Variants in ADD2 observed in about 807,000 individuals in gnomAD.
ADD2 encodes adducin 2.
In ADD2, 23 loss-of-function variants were observed where a neutral mutation model predicts 83.0. That is an observed-to-expected ratio of 0.28 (90% CI 0.20 to 0.39). The LOEUF (loss-of-function observed/expected upper bound fraction) is 0.39. Among genes scored for constraint, ADD2 ranks in the 10% least tolerant of loss-of-function variants. The probability of loss-of-function intolerance (pLI) is 1.00; values close to 1 mark genes in which losing one functional copy is unlikely to be tolerated. For synonymous variants in ADD2, 375 were observed against 375.4 expected, an observed-to-expected ratio of 1.00 and a Z score of 0.01; for missense variants, 758 against 944.9, an observed-to-expected ratio of 0.80 and a Z score of 2.59.
At chr2:70,729,703 G>C (rs1225578279) in intron 1 of ADD2, among the ~76,000 whole-genome samples, 2 of 152,140 alleles carry the variant, frequency 1.3e-5, no homozygotes, top group Admixed American at 6.5e-5. Context: ...GAAATGTGTG[G>C]CTTCTAAGGA....
chr2:70,706,471 C>T lies in ADD2; in HGVS notation c.-34-29G>A. 6.5e-7 allele frequency: 1 copy of T among 1,534,468 alleles called. No individual in the cohort carries two copies. Among genetic ancestry groups the T allele is most frequent in the Non-Finnish European group, 8.8e-7 (1 of 1,142,204 alleles). On this transcript the variant is annotated intron_variant, in intron 2 of 15. Transcript: ENST00000264436. This position sits in a 1 kb window ranked among gnomAD's most constrained non-coding sequence, Gnocchi z 5.0. ...CAGAGAAGGGGAGAGGGTATGCGGT[C>T]AGGTTGGTGCTCCCCATCGGGGTAC...
chr2:70,697,828 A>G (rs1348959816), intron 4 of ADD2, among the ~76,000 whole-genome samples: 1 of 152,206 alleles, frequency 6.6e-6, no homozygotes, highest in Non-Finnish European at 1.5e-5. Flanking sequence ...TGCTGGGCCA[A>G]CATCCAGCGA....
At chr2:70,763,188 T>C (rs1675206508) in intron 1 of ADD2, among the ~76,000 whole-genome samples, 1 of 152,006 alleles carries the variant, frequency 6.6e-6, no homozygotes, top group South Asian at 2.1e-4. Flanking sequence ...TGGCAAAGCT[T>C]TCCTATGTAG....
chr2:70,688,092 C>T lies in ADD2; in HGVS notation c.880G>A (p.Ala294Thr). The change falls in exon 9 of 16, where the codon GCT (alanine) becomes ACT (threonine). Residue 294 changes from alanine (A) to threonine (T), a missense_variant. Ala to Thr is a moderately conservative substitution (Grantham distance 58). This residue lies in a region of ADD2 where 394 missense variants were observed against 509.3 expected (regional missense o/e 0.77). Coordinates refer to ENST00000264436, the MANE Select transcript of ADD2 (RefSeq NM_001617.4). ...GCCTCCTCTACCGTGTCACCCAGAG[C>T]AACCACTCCATGGTTTCTTAGCACC... ...ILVLRNHGVV[A>T]LGDTVEEAFY... 6 of 1,614,156 alleles carry T rather than the reference C, an allele frequency of 3.7e-6. No individual in the cohort carries two copies. Among genetic ancestry groups the T allele is most frequent in the Non-Finnish European group, 5.1e-6 (6 of 1,179,990 alleles).
At chr2:70,667,013 GC>G (rs1675828902) in intron 15 of ADD2, among the ~76,000 whole-genome samples, 1 of 152,148 alleles carries the variant, frequency 6.6e-6, no homozygotes, top group Non-Finnish European at 1.5e-5. Flanking sequence ...CATGTGTTAG[GC>G]CCCTGGAAAG....
rs1359440313 is a variant in ADD2 at position 70,657,944 on chromosome 2, T to C, written c.*5481A>G. 1.3e-5 allele frequency: 2 copies of C among 152,106 alleles called. No homozygotes were observed. The highest frequency in any genetic ancestry group is 4.8e-5 in the African/African-American group (2 of 41,398). 9.4% of individuals were successfully genotyped at this position (152,106 alleles called of 1,614,324 possible). A position where few individuals can be genotyped will look rare whatever the true frequency, so the allele number is the denominator to read the frequency against. ...CTGAACCCCTTCCCTGCACCAATAA[T>C]GATCATTTCTCCCCCATCTGCAGGC... On this transcript the variant is annotated 3_prime_UTR_variant, in exon 16 of 16. Coordinates refer to ENST00000264436, the MANE Select transcript of ADD2 (RefSeq NM_001617.4).
chr2:70,719,292 T>C (rs1672618063), intron 1 of ADD2, among the ~76,000 whole-genome samples: 1 of 152,158 alleles, frequency 6.6e-6, no homozygotes, highest in Non-Finnish European at 1.5e-5. Flanking sequence ...AGGACCTGGC[T>C]CACCACTGGG....
At chr2:70,751,586 A>G (rs1553382942) in intron 1 of ADD2, among the ~76,000 whole-genome samples, 1 of 152,204 alleles carries the variant, frequency 6.6e-6, no homozygotes, top group East Asian at 1.9e-4. Flanking sequence ...TCACATTACA[A>G]AAGATGTCTT....
chr2:70,693,103 G>A (rs990513611), intron 6 of ADD2, among the ~76,000 whole-genome samples: 14 of 152,104 alleles, frequency 9.2e-5, no homozygotes, highest in Admixed American at 8.5e-4. Flanking sequence ...GCCTCACTCC[G>A]TGCCCCTACT....
chr2:70,760,848 C>T (rs568557639), intron 1 of ADD2: 1 of 152,228 alleles, frequency 6.6e-6, no homozygotes, highest in African/African-American at 2.4e-5. Flanking sequence ...AGAAACAAAA[C>T]TTTTGTGGAC....
At chr2:70,688,914 T>C (rs1218884584) in intron 8 of ADD2, among the ~76,000 whole-genome samples, 2 of 151,832 alleles carry the variant, frequency 1.3e-5, no homozygotes, top group African/African-American at 4.8e-5. Context: ...CTGGCCAACA[T>C]GGTGAAACCC....
chr2:70,732,797 G>C (rs577438300), intron 1 of ADD2, among the ~76,000 whole-genome samples: 23 of 152,214 alleles, frequency 1.5e-4, no homozygotes, highest in Non-Finnish European at 2.6e-4. Context: ...CAAAGGAACT[G>C]TTTGGAGGGC....
intron 1 of ADD2, among the ~76,000 whole-genome samples, chr2:70,746,331 T>C (rs13010721): frequency 0.14 from 20,575 of 152,232 alleles, 1,572 homozygotes; most frequent in Middle Eastern, 0.25. Flanking sequence ...TTACAGTACC[T>C]AGCATACTAC....
intron 1 of ADD2, among the ~76,000 whole-genome samples, chr2:70,748,463 A>G (rs1674341281): frequency 6.6e-6 from 1 of 152,188 alleles, no homozygotes; most frequent in African/African-American, 2.4e-5. Context: ...GAGAACTAAA[A>G]GACAAAGATC....
intron 1 of ADD2, 42 bp downstream of exon 1, chr2:70,767,844 C>A: frequency 1.3e-6 from 2 of 1,533,384 alleles, no homozygotes; most frequent in Non-Finnish European, 1.7e-6. Flanking sequence ...AGGAGACCAG[C>A]GACCCCAGGC....
In ADD2 at chr2:70,658,334, T is replaced by G. The variant is rs1675429393; in HGVS notation, c.*5091A>C. On this transcript the variant is annotated 3_prime_UTR_variant, in exon 16 of 16. Transcript: ENST00000264436. Reference sequence around the variant, plus strand: ...GGTCTCTCATTTATGACAGAAAGTGTGCCACATCTGAATAGGTTGGTTAGA... The same window carrying G: ...GGTCTCTCATTTATGACAGAAAGTGGGCCACATCTGAATAGGTTGGTTAGA... 1 of 152,160 alleles carries G rather than the reference T, an allele frequency of 6.6e-6. No individual in the cohort carries two copies. The highest frequency in any genetic ancestry group is 2.1e-4 in the South Asian group (1 of 4,822). 9.4% of individuals were successfully genotyped at this position (152,160 alleles called of 1,614,324 possible).
At chr2:70,754,417 G>T (rs782259325) in intron 1 of ADD2, among the ~76,000 whole-genome samples, 3 of 151,878 alleles carry the variant, frequency 2.0e-5, no homozygotes, top group African/African-American at 4.8e-5. Context: ...AGGTACTCAG[G>T]GCCTGGGTGC....
chr2:70,693,817 G>A (rs1156417204), intron 6 of ADD2, among the ~76,000 whole-genome samples: 1 of 152,060 alleles, frequency 6.6e-6, no homozygotes, highest in African/African-American at 2.4e-5. Flanking sequence ...ATATCTCATT[G>A]TTGGATGTGT....
chr2:70,767,556 G>T (rs1461664511), intron 1 of ADD2: 12 of 1,012,858 alleles, frequency 1.2e-5, no homozygotes, highest in South Asian at 4.6e-5. Context: ...CCGGCTAGGC[G>T]AGGCGAGGCT....
Sources: gnomAD v4.1 joint callset for allele counts (sites outside exome capture counted in the v4.1 genomes callset) on GRCh38, gnomAD v4.1.1 for gene constraint, gnomAD v4.1.1 regional missense constraint, Gnocchi (gnomAD v3.1) non-coding constraint, MANE v1.5 for transcripts, NCBI Gene and HGNC (gene_info 2026-07-23, HGNC 2026-07-21) for gene names.